The following CEP57L1 variants were observed in gnomAD, a reference collection of about 807,000 sequenced individuals.
CEP57L1 encodes the protein centrosomal protein 57 like 1, also known as centrosomal protein CEP57L1.
In CEP57L1, 37 loss-of-function variants were observed where a neutral mutation model predicts 61.0. The ratio of observed to expected loss-of-function variants is 0.61; its 90% CI spans 0.47 to 0.80. CEP57L1 has a LOEUF of 0.80. Among genes scored for constraint, CEP57L1 ranks in the 30% least tolerant of loss-of-function variants. The probability of loss-of-function intolerance (pLI) is 0.00; values close to 1 mark genes in which losing one functional copy is unlikely to be tolerated. For missense variants in CEP57L1, 422 were observed against 524.7 expected (o/e 0.80, Z 1.91); for synonymous variants, 137 against 162.3 (o/e 0.84, Z 1.19).
Position 109,173,304 on chromosome 6 carries a change from T to A in CEP57L1, c.*10334T>A, listed in dbSNP as rs1330133815. On this transcript the variant is annotated 3_prime_UTR_variant, in exon 11 of 11. Transcript: ENST00000517392. ...GAATCCTAAAAGGTCAGTTGGAACA[T>A]GAGACCATTTAAAGAATATTATTTC... Among the ~76,000 whole-genome samples, 1 of 152,080 alleles carries A rather than the reference T, an allele frequency of 6.6e-6. No homozygotes were observed. Among genetic ancestry groups the A allele is most frequent in the African/African-American group, 2.4e-5 (1 of 41,448 alleles).
At chr6:109,114,527 T>C (rs938062789) in intron 1 of CEP57L1, among the ~76,000 whole-genome samples, 12 of 152,238 alleles carry the variant, frequency 7.9e-5, no homozygotes, top group African/African-American at 2.6e-4. Context: ...TTCTTCATTT[T>C]CAACAACATG....
intron 1 of CEP57L1, among the ~76,000 whole-genome samples, chr6:109,132,092 G>A (rs1774263139): frequency 6.6e-6 from 1 of 152,160 alleles, no homozygotes; most frequent in African/African-American, 2.4e-5. Flanking sequence ...ATGTGGGTTT[G>A]AAGTTGAAAT....
At position 109,163,133 on chromosome 6, in the gene CEP57L1, G is replaced by A; in HGVS notation, c.*163G>A. 2 of 557,586 alleles carry A rather than the reference G, an allele frequency of 3.6e-6. No individual in the cohort carries two copies. Among genetic ancestry groups the A allele is most frequent in the Non-Finnish European group, 6.3e-6 (2 of 315,816 alleles). 34.5% of individuals were successfully genotyped at this position (557,586 alleles called of 1,614,324 possible). A position where few individuals can be genotyped will look rare whatever the true frequency, so the allele number is the denominator to read the frequency against. ...AAAAATTAATGCCTAATGACCTGGTGGGTTCCAAATAATAAATTAATTGCT... is the reference window on the plus strand; with the variant it reads ...AAAAATTAATGCCTAATGACCTGGTAGGTTCCAAATAATAAATTAATTGCT... On this transcript the variant is annotated 3_prime_UTR_variant, in exon 11 of 11. Coordinates refer to ENST00000517392, the MANE Select transcript of CEP57L1 (RefSeq NM_001271852.3).
chr6:109,111,562 G>A (rs1341732714), intron 1 of CEP57L1, among the ~76,000 whole-genome samples: 1 of 152,140 alleles, frequency 6.6e-6, no homozygotes, highest in East Asian at 1.9e-4. Flanking sequence ...ATACTATGTT[G>A]GATAGGAGTG....
At chr6:109,138,939 T>A (rs1032286338) in intron 1 of CEP57L1, among the ~76,000 whole-genome samples, 1 of 152,232 alleles carries the variant, frequency 6.6e-6, no homozygotes. Flanking sequence ...CTTAGCAACC[T>A]CAGCATGTGA....
At chr6:109,150,307 C>A in intron 4 of CEP57L1, 68 bp downstream of exon 4, 2 of 1,537,614 alleles carry the variant, frequency 1.3e-6, no homozygotes, top group Admixed American at 1.8e-5. Flanking sequence ...TTTAATTTCA[C>A]GGGAAAATTC....
chr6:109,098,444 C>T (rs779554383), intron 1 of CEP57L1, among the ~76,000 whole-genome samples: 6 of 151,760 alleles, frequency 4.0e-5, no homozygotes, highest in Non-Finnish European at 8.8e-5. Flanking sequence ...CCGTGCCCGG[C>T]CTCTTTCTTT....
intron 1 of CEP57L1, among the ~76,000 whole-genome samples, chr6:109,097,483 C>T (rs182044485): frequency 2.0e-4 from 31 of 152,316 alleles, no homozygotes; most frequent in African/African-American, 7.5e-4. Context: ...CCCTCCAGAT[C>T]AGCCATACAG....
rs1277385418 is a variant in CEP57L1, at chr6:109,171,520, C to A, written c.*8550C>A. Among the ~76,000 whole-genome samples the A allele has an allele frequency of 6.6e-6, 1 of 152,010 alleles. No individual in the cohort carries two copies. The highest frequency in any genetic ancestry group is 2.4e-5 in the African/African-American group (1 of 41,392). Reference sequence around the variant, plus strand: ...TCAGCCTCCCAAAGTGCTGGGATTACAGGTGTGAGCCACCGCGCCCTGCCT... The same window carrying A: ...TCAGCCTCCCAAAGTGCTGGGATTAAAGGTGTGAGCCACCGCGCCCTGCCT... On this transcript the variant is annotated 3_prime_UTR_variant, in exon 11 of 11. Coordinates refer to ENST00000517392, the MANE Select transcript of CEP57L1 (RefSeq NM_001271852.3).
intron 1 of CEP57L1, among the ~76,000 whole-genome samples, chr6:109,103,545 A>G (rs929282933): frequency 1.3e-5 from 2 of 152,082 alleles, no homozygotes; most frequent in Non-Finnish European, 2.9e-5. Context: ...CCTTTTTTCT[A>G]TGTTATTTTG....
Position 109,153,967 on chromosome 6 carries a change from T to A in CEP57L1, c.579+18T>A. On this transcript the variant is annotated intron_variant, in intron 5 of 10. Transcript: ENST00000517392. ...CTGCTGAGGTAAGCTTTCTTTGAAG[T>A]GATGACAACAGGAATGAATCTTTAG... 7.9e-7 allele frequency: 1 copy of A among 1,260,358 alleles called. No homozygotes were observed. The highest frequency in any genetic ancestry group is 1.2e-6 in the Non-Finnish European group (1 of 868,172). The allele number at this position is 1,260,358 out of a possible 1,614,324, so 78.1% of individuals were successfully genotyped here. A position where few individuals can be genotyped will look rare whatever the true frequency, so the allele number is the denominator to read the frequency against.
chr6:109,106,550 C>G (rs759949049), intron 1 of CEP57L1, among the ~76,000 whole-genome samples: 1 of 152,100 alleles, frequency 6.6e-6, no homozygotes, highest in Non-Finnish European at 1.5e-5. Context: ...TTCCCTAAGA[C>G]TTTGAGTTTA....
chr6:109,127,488 T>A (rs1773690805), intron 1 of CEP57L1, among the ~76,000 whole-genome samples: 1 of 152,184 alleles, frequency 6.6e-6, no homozygotes, highest in Non-Finnish European at 1.5e-5. Context: ...TCACTTTTAC[T>A]CCTTTGTTAC....
At chr6:109,095,635 C>T in intron 1 of CEP57L1, 60 bp downstream of exon 1, 1 of 961,716 alleles carries the variant, frequency 1.0e-6, no homozygotes, top group Non-Finnish European at 1.2e-6. Context: ...TCCTCCATTT[C>T]CTCTGGGATT....
intron 1 of CEP57L1, among the ~76,000 whole-genome samples, chr6:109,136,392 A>G (rs567309614): frequency 1.6e-3 from 241 of 152,284 alleles, no homozygotes; most frequent in Non-Finnish European, 2.9e-3. Flanking sequence ...AGGAAGGGGA[A>G]CATCACACAC....
At chr6:109,156,468 A>G (rs1419942860) in intron 7 of CEP57L1, 1 of 152,148 alleles carries the variant, frequency 6.6e-6, no homozygotes, top group Non-Finnish European at 1.5e-5. Flanking sequence ...TTAGTACTTT[A>G]TAGACCAATA....
At chr6:109,129,145 A>G (rs1773906568) in intron 1 of CEP57L1, among the ~76,000 whole-genome samples, 1 of 152,200 alleles carries the variant, frequency 6.6e-6, no homozygotes, top group Non-Finnish European at 1.5e-5. Flanking sequence ...GGTTGCAGTA[A>G]GCTGAGATCG....
At chr6:109,117,890 G>T (rs934679307) in intron 1 of CEP57L1, among the ~76,000 whole-genome samples, 1 of 152,128 alleles carries the variant, frequency 6.6e-6, no homozygotes, top group African/African-American at 2.4e-5. Context: ...GGCTGCTGGT[G>T]GTAATTGGAA....
intron 3 of CEP57L1, among the ~76,000 whole-genome samples, chr6:109,147,261 T>G (rs907419867): frequency 6.6e-6 from 1 of 152,114 alleles, no homozygotes; most frequent in African/African-American, 2.4e-5. Context: ...TATTTATTTT[T>G]TATTTTATTT....
Sources: allele counts gnomAD v4.1 joint callset (sites outside exome capture counted in the v4.1 genomes callset), GRCh38; gene constraint gnomAD v4.1.1; transcripts MANE v1.5; gene names NCBI Gene and HGNC (gene_info 2026-07-23, HGNC 2026-07-21).